The following SLCO5A1 variants were observed in gnomAD, a reference collection of about 807,000 sequenced individuals.
SLCO5A1 encodes the protein organic anion transporter polypeptide-related protein 4.
Under a neutral mutation model 65.1 loss-of-function variants are expected in SLCO5A1, and 39 were observed. That is an observed-to-expected ratio of 0.60 (90% confidence interval 0.46 to 0.78). SLCO5A1 has a LOEUF of 0.78. Ranked by LOEUF, SLCO5A1 falls within the 30% of genes least tolerant of loss-of-function variation. The pLI is 0.00. For missense variants in SLCO5A1, 1,029 were observed against 1,069.4 expected, an observed-to-expected ratio of 0.96 and a Z score of 0.53; for synonymous variants, 438 against 415.7, an observed-to-expected ratio of 1.05 and a Z score of -0.65.
At chr8:69,732,251 C>G (rs1816368495) in intron 5 of SLCO5A1, among the ~76,000 whole-genome samples, 1 of 152,132 alleles carries the variant, frequency 6.6e-6, no homozygotes, top group African/African-American at 2.4e-5. Flanking sequence ...TACACCCCAA[C>G]CTAATTCTTT....
chr8:69,739,174 T>C lies in SLCO5A1; in HGVS notation c.1259-970A>G, dbSNP rs150322811. ...CATATATGTGTGTAATTCTATTTAA[T>C]TAAAAATCAAACAAACCAAAACAAT... On this transcript the variant is annotated intron_variant, in intron 4 of 9. Transcript: ENST00000260126. Among the ~76,000 whole-genome samples, 1,315 of 152,316 alleles carry C rather than the reference T, an allele frequency of 8.6e-3. 18 individuals are homozygous for C. Among genetic ancestry groups the C allele is most frequent in the African/African-American group, 0.03 (1,235 of 41,574 alleles).
intron 7 of SLCO5A1, among the ~76,000 whole-genome samples, chr8:69,680,169 A>C (rs1465644041): frequency 6.6e-6 from 1 of 152,142 alleles, no homozygotes; most frequent in Non-Finnish European, 1.5e-5. Flanking sequence ...CAGGGAGTAC[A>C]TGTGCAGGTT....
intron 2 of SLCO5A1, among the ~76,000 whole-genome samples, chr8:69,828,550 C>T (rs920857696): frequency 2.0e-5 from 3 of 151,138 alleles, no homozygotes; most frequent in East Asian, 1.9e-4. Context: ...TCCAGTGAGC[C>T]GAGACCGCTC....
intron 2 of SLCO5A1, among the ~76,000 whole-genome samples, chr8:69,792,970 GTTTT>G (rs890542329): frequency 1.3e-4 from 19 of 151,738 alleles, no homozygotes; most frequent in African/African-American, 4.3e-4. Flanking sequence ...TTGTTGTTTG[GTTTT>G]TTTGTTTTTT....
intron 2 of SLCO5A1, among the ~76,000 whole-genome samples, chr8:69,820,192 G>A (rs1820575843): frequency 6.6e-6 from 1 of 152,194 alleles, no homozygotes; most frequent in Non-Finnish European, 1.5e-5. Context: ...TCCTCTAGAG[G>A]AAACAGGTAC....
At chr8:69,703,008 G>A (rs540798600) in intron 6 of SLCO5A1, among the ~76,000 whole-genome samples, 5 of 151,968 alleles carry the variant, frequency 3.3e-5, no homozygotes, top group African/African-American at 1.2e-4. Flanking sequence ...CTACTTGGGA[G>A]GCTGAGGATA....
chr8:69,828,154 T>C lies in SLCO5A1; in HGVS notation c.907+3613A>G, dbSNP rs571095449. Among the ~76,000 whole-genome samples the C allele has an allele frequency of 2.6e-5, 4 of 152,276 alleles. No individual in the cohort carries two copies. The East Asian group carries it at 7.7e-4, about 29-fold the overall frequency. On this transcript the variant is annotated intron_variant, in intron 2 of 9. Coordinates refer to ENST00000260126, the MANE Select transcript of SLCO5A1 (RefSeq NM_030958.3). ...ATTGAGAACATTAAGTGAAATAATA[T>C]ATCTAAGATTTCTGATACTCAAACT...
At chr8:69,676,547 A>T (rs376296895) in intron 9 of SLCO5A1, 62 bp downstream of exon 9, 9 of 1,398,496 alleles carry the variant, frequency 6.4e-6, no homozygotes, top group Non-Finnish European at 9.1e-6. Context: ...TTTAAAGGAC[A>T]GTGAAAATTT....
intron 2 of SLCO5A1, among the ~76,000 whole-genome samples, chr8:69,825,287 G>A (rs1404092896): frequency 1.3e-5 from 2 of 152,154 alleles, no homozygotes; most frequent in African/African-American, 4.8e-5. Flanking sequence ...AGGGCAATCA[G>A]GCAGGAGAAG....
chr8:69,727,702 T>G (rs1816145913), intron 5 of SLCO5A1, among the ~76,000 whole-genome samples: 1 of 152,264 alleles, frequency 6.6e-6, no homozygotes, highest in South Asian at 2.1e-4. Context: ...GATGTCAATT[T>G]GCTTTGGATT....
intron 5 of SLCO5A1, among the ~76,000 whole-genome samples, chr8:69,734,845 A>G (rs1162398602): frequency 6.6e-6 from 1 of 152,244 alleles, no homozygotes; most frequent in Non-Finnish European, 1.5e-5. Flanking sequence ...CATTAAAAAA[A>G]GGGATTCAGA....
intron 2 of SLCO5A1, among the ~76,000 whole-genome samples, chr8:69,822,759 T>C (rs748285833): frequency 4.6e-5 from 7 of 152,180 alleles, no homozygotes; most frequent in Non-Finnish European, 1.0e-4. Context: ...AATCCCCAGG[T>C]GGAAACAGGC....
At chr8:69,796,672 T>C (rs186585403) in intron 2 of SLCO5A1, among the ~76,000 whole-genome samples, 7 of 151,592 alleles carry the variant, frequency 4.6e-5, no homozygotes, top group Admixed American at 2.6e-4. Flanking sequence ...ATATATATTA[T>C]ATATGTATAT....
intron 9 of SLCO5A1, among the ~76,000 whole-genome samples, chr8:69,676,113 T>C (rs1405473586): frequency 6.6e-6 from 1 of 152,218 alleles, no homozygotes; most frequent in Non-Finnish European, 1.5e-5. Context: ...TCCCTATATG[T>C]CACTTTGGAG....
chr8:69,696,736 A>G (rs1814513625), intron 6 of SLCO5A1, among the ~76,000 whole-genome samples: 1 of 152,190 alleles, frequency 6.6e-6, no homozygotes, highest in Admixed American at 6.5e-5. Context: ...AAACAGAAAA[A>G]CTGATTCTTT....
chr8:69,707,495 G>A (rs1205237299), intron 5 of SLCO5A1, among the ~76,000 whole-genome samples: 2 of 152,202 alleles, frequency 1.3e-5, no homozygotes, highest in African/African-American at 4.8e-5. Flanking sequence ...GGAAGCAGCT[G>A]GGAGGTGGAA....
chr8:69,818,662 C>T (rs1014927905), intron 2 of SLCO5A1, among the ~76,000 whole-genome samples: 1 of 152,170 alleles, frequency 6.6e-6, no homozygotes, highest in African/African-American at 2.4e-5. Context: ...GCACTAAAAC[C>T]CTTTGTTTTG....
intron 5 of SLCO5A1, among the ~76,000 whole-genome samples, chr8:69,707,062 C>T (rs531059902): frequency 6.6e-6 from 1 of 152,122 alleles, no homozygotes; most frequent in South Asian, 2.1e-4. Flanking sequence ...ACAGGAGAAT[C>T]GCTTGATTGA....
intron 6 of SLCO5A1, among the ~76,000 whole-genome samples, chr8:69,699,676 A>G (rs1055786812): frequency 6.6e-6 from 1 of 152,248 alleles, no homozygotes; most frequent in Admixed American, 6.5e-5. Flanking sequence ...AAATAAACAG[A>G]AAGTTAGGCA....
Sources: gnomAD v4.1 joint callset for allele counts (sites outside exome capture counted in the v4.1 genomes callset) on GRCh38, gnomAD v4.1.1 for gene constraint, MANE v1.5 for transcripts, NCBI Gene and HGNC (gene_info 2026-07-23, HGNC 2026-07-21) for gene names.